MELK: variants seen among roughly 807,000 people sequenced by gnomAD.
MELK encodes pEg3 kinase.
Under a neutral mutation model 85.0 loss-of-function variants are expected in MELK, and 81 were observed. That is an observed-to-expected ratio of 0.95 (90% CI 0.80 to 1.15). MELK has a LOEUF of 1.15. Ranked by LOEUF, MELK falls within the 50% of genes most tolerant of loss-of-function variation. The pLI is 0.00. For synonymous variants in MELK, 252 were observed against 265.0 expected, an observed-to-expected ratio of 0.95 and a Z score of 0.48; for missense variants, 754 against 777.5, an observed-to-expected ratio of 0.97 and a Z score of 0.36.
chr9:36,653,899 C>T (rs1489742736), intron 12 of MELK, among the ~76,000 whole-genome samples: 1 of 152,162 alleles, frequency 6.6e-6, no homozygotes, highest in Non-Finnish European at 1.5e-5. Flanking sequence ...TGGTACTCAT[C>T]AGTCATGTGC....
chr9:36,608,491 G>A lies in MELK; in HGVS notation c.666+818G>A, dbSNP rs1161209972. ...GCTATCCGTGGTTTCCGGCATCCAT[G>A]GGTGTCTTGGAAAGTATTACCTGCT... On this transcript the variant is annotated intron_variant, in intron 8 of 17. Transcript: ENST00000298048. 2.0e-5 allele frequency among the ~76,000 whole-genome samples: 3 copies of A among 151,930 alleles called. No homozygotes were observed. In the East Asian group the frequency reaches 5.8e-4, roughly 29 times the overall value.
intron 15 of MELK, among the ~76,000 whole-genome samples, chr9:36,670,715 C>A (rs983374029): frequency 4.0e-5 from 6 of 151,708 alleles, no homozygotes; most frequent in South Asian, 2.1e-4. Context: ...TTGTACTCTT[C>A]TTTGAACTTT....
chr9:36,597,434 G>A, intron 6 of MELK, 144 bp downstream of exon 6: 1 of 715,004 alleles, frequency 1.4e-6, no homozygotes, highest in Non-Finnish European at 2.3e-6. Flanking sequence ...CCAGGTATGG[G>A]TAGTTTTTGT....
chr9:36,598,643 A>T (rs1240458285), intron 6 of MELK, among the ~76,000 whole-genome samples: 1 of 152,176 alleles, frequency 6.6e-6, no homozygotes, highest in Non-Finnish European at 1.5e-5. Context: ...TCTATGTAAC[A>T]TATTGCTTTT....
chr9:36,667,776 C>CT (rs1476517000), intron 14 of MELK, among the ~76,000 whole-genome samples: 17 of 151,386 alleles, frequency 1.1e-4, no homozygotes, highest in Admixed American at 8.6e-4. Flanking sequence ...CTCTTTTCTT[C>CT]TTTTTTTTGA....
Position 36,665,411 on chromosome 9 carries a change from G to C in MELK, c.1238G>C (p.Cys413Ser). Residue 413 changes from cysteine to serine, a missense_variant, in exon 14 of 18, where the codon TGC becomes TCC. Coordinates refer to ENST00000298048, the MANE Select transcript of MELK (RefSeq NM_014791.4). ...TCTAAATCATTAACTCCAGCCTTAT[G>C]CAGAACACCTGCAAATAAATTAAAG... ...VESKSLTPALCRTPANKLKNK... is the reference protein window; with the variant it reads ...VESKSLTPALSRTPANKLKNK... 1 of 1,613,602 alleles carries C rather than the reference G, an allele frequency of 6.2e-7. No homozygotes were observed. The highest frequency in any genetic ancestry group is 8.5e-7 in the Non-Finnish European group (1 of 1,179,788).
chr9:36,618,374 A>C (rs1332630178), intron 8 of MELK, among the ~76,000 whole-genome samples: 1 of 149,294 alleles, frequency 6.7e-6, no homozygotes, highest in Non-Finnish European at 1.5e-5. Flanking sequence ...GCGCCACTGC[A>C]CTCCAGCCTG....
rs1832395553 is a variant in MELK at position 36,666,860 on chromosome 9, TGTGTGTGTG to T, written c.1408+1280_1408+1288del. On this transcript the variant is annotated intron_variant, in intron 14 of 17. Coordinates refer to ENST00000298048, the MANE Select transcript of MELK (RefSeq NM_014791.4). Reference sequence around the variant, plus strand: ...TCCTGATGATGTCTGTGTTTGTGTGTGTGTGTGTGTGTGTGTGTGTGTGTGTGTGTGTGT... The same window carrying T: ...TCCTGATGATGTCTGTGTTTGTGTGTTGTGTGTGTGTGTGTGTGTGTGTGT... Among the ~76,000 whole-genome samples, 3 of 4,488 alleles carry T rather than the reference TGTGTGTGTG, an allele frequency of 6.7e-4. No individual in the cohort carries two copies. In the Admixed American group the frequency reaches 0.012, roughly 18 times the overall value. 2.9% of individuals were successfully genotyped at this position (4,488 alleles called of 152,430 possible).
At chr9:36,591,059 T>G (rs1474775354) in intron 4 of MELK, among the ~76,000 whole-genome samples, 1 of 152,164 alleles carries the variant, frequency 6.6e-6, no homozygotes, top group Non-Finnish European at 1.5e-5. Context: ...GGCACTGTAC[T>G]CCAGCCTGGG....
At chr9:36,592,179 T>G (rs972531122) in intron 4 of MELK, among the ~76,000 whole-genome samples, 1 of 146,826 alleles carries the variant, frequency 6.8e-6, no homozygotes, top group Non-Finnish European at 1.5e-5. Context: ...TTTCTTTTTT[T>G]TTTTTTTTTT....
chr9:36,603,259 C>T (rs545534285), intron 7 of MELK, among the ~76,000 whole-genome samples: 1 of 152,084 alleles, frequency 6.6e-6, no homozygotes, highest in African/African-American at 2.4e-5. Context: ...ATTTTGGTTT[C>T]GTTTTCTGAG....
rs756655630 is a variant in MELK at position 36,651,797 on chromosome 9, G to T, written c.973G>T (p.Ala325Ser). Residue 325 changes from alanine (A) to serine (S), a missense_variant, in exon 12 of 18, where the codon GCT (alanine) becomes TCT (serine). Physicochemically the swap from Ala to Ser is moderately conservative, Grantham distance 99 (BLOSUM62 1). Coordinates refer to ENST00000298048, the MANE Select transcript of MELK (RefSeq NM_014791.4). ...CTATCTTCTGCTTCTAGCCAAGAAG[G>T]CTCGGGGAAAACCAGTTCGTTTAAG... The part of the protein sequence containing the change: ...ATYLLLLAKK[A>S]RGKPVRLRLS... 2.5e-6 allele frequency: 4 copies of T among 1,613,962 alleles called. No homozygotes were observed. The highest frequency in any genetic ancestry group is 3.4e-6 in the Non-Finnish European group (4 of 1,179,962).
chr9:36,595,769 C>T (rs936913553), intron 5 of MELK, among the ~76,000 whole-genome samples: 11 of 151,904 alleles, frequency 7.2e-5, no homozygotes, highest in African/African-American at 2.4e-4. Context: ...CCATGCCTGG[C>T]TAATTTTCTG....
At chr9:36,602,487 C>CA (rs765623860) in intron 7 of MELK, among the ~76,000 whole-genome samples, 743 of 40,712 alleles carry the variant, frequency 0.018, 10 homozygotes, top group Non-Finnish European at 0.024. Flanking sequence ...AAGACTGTCT[C>CA]AAAAAAAAAA....
At chr9:36,658,474 G>C (rs996186423) in intron 13 of MELK, among the ~76,000 whole-genome samples, 14 of 152,018 alleles carry the variant, frequency 9.2e-5, no homozygotes, top group African/African-American at 3.4e-4. Flanking sequence ...TCCAGAATTT[G>C]TTTTGTTCTT....
intron 3 of MELK, among the ~76,000 whole-genome samples, chr9:36,587,775 T>G (rs1364477475): frequency 4.6e-5 from 7 of 151,480 alleles, no homozygotes; most frequent in Admixed American, 2.0e-4. Context: ...TTTGTATTTT[T>G]TTTTTTTTTA....
intron 10 of MELK, among the ~76,000 whole-genome samples, chr9:36,635,798 C>CTTTT (rs759256315): frequency 7.5e-6 from 1 of 134,094 alleles, no homozygotes; most frequent in African/African-American, 2.7e-5. Flanking sequence ...TTAAAAAATG[C>CTTTT]TTTTTTTTTT....
chr9:36,661,329 T>A (rs1204418922), intron 13 of MELK, among the ~76,000 whole-genome samples: 1 of 152,222 alleles, frequency 6.6e-6, no homozygotes, highest in Non-Finnish European at 1.5e-5. Context: ...AGAGGTATAC[T>A]TTGTTTATGG....
chr9:36,585,617 TA>T (rs1210305534), intron 3 of MELK, among the ~76,000 whole-genome samples: 12 of 152,134 alleles, frequency 7.9e-5, no homozygotes, highest in Middle Eastern at 3.2e-3. Context: ...TAACATTTTG[TA>T]ATTGTCCTTA....
Sources: gnomAD v4.1 joint callset for allele counts (sites outside exome capture counted in the v4.1 genomes callset) on GRCh38, gnomAD v4.1.1 for gene constraint, MANE v1.5 for transcripts, NCBI Gene and HGNC (gene_info 2026-07-23, HGNC 2026-07-21) for gene names.